Variants in MALT1 observed in about 807,000 individuals in gnomAD.
MALT1 encodes the protein mucosa-associated lymphoid tissue lymphoma translocation protein 1.
In MALT1, 36 loss-of-function variants were observed where a neutral mutation model predicts 85.5. The observed-to-expected ratio is 0.42, with a 90% confidence interval of 0.32 to 0.56. MALT1 has a LOEUF of 0.56. Among genes scored for constraint, MALT1 ranks in the 20% least tolerant of loss-of-function variants. The pLI is 0.10. For missense variants in MALT1, 716 were observed against 981.6 expected (o/e 0.73, Z 3.62); for synonymous variants, 359 against 361.3 (o/e 0.99, Z 0.07).
chr18:58,706,323 A>AT (rs1201065537), intron 4 of MALT1, among the ~76,000 whole-genome samples: 1 of 151,970 alleles, frequency 6.6e-6, no homozygotes, highest in African/African-American at 2.4e-5. Flanking sequence ...TGCCCGGGTA[A>AT]TTTTTGTATT....
chr18:58,724,026 T>C (rs2055020135), intron 10 of MALT1, among the ~76,000 whole-genome samples: 2 of 152,224 alleles, frequency 1.3e-5, no homozygotes, highest in Non-Finnish European at 2.9e-5. Flanking sequence ...TAACATCAGA[T>C]TGCCAGGGAA....
chr18:58,727,311 G>T (rs1301338734), intron 10 of MALT1, among the ~76,000 whole-genome samples: 2 of 151,690 alleles, frequency 1.3e-5, no homozygotes, highest in African/African-American at 4.8e-5. Context: ...TGTTTGTTTT[G>T]TTTTTTGATA....
intron 1 of MALT1, among the ~76,000 whole-genome samples, chr18:58,679,056 G>A (rs903319864): frequency 6.6e-6 from 1 of 152,100 alleles, no homozygotes; most frequent in African/African-American, 2.4e-5. Context: ...TTGATTGCTC[G>A]GTTTTTTCTT....
chr18:58,733,333 G>A, intron 10 of MALT1, 64 bp from the exon 11 acceptor site: 1 of 1,053,090 alleles, frequency 9.5e-7, no homozygotes, highest in South Asian at 1.6e-5. Context: ...AAGTTATGCA[G>A]TCTGTATGTT....
intron 1 of MALT1, among the ~76,000 whole-genome samples, chr18:58,676,758 A>T (rs1602269817): frequency 6.6e-6 from 1 of 152,254 alleles, no homozygotes; most frequent in Non-Finnish European, 1.5e-5. Flanking sequence ...TGAAAGATCC[A>T]GGAAGATACA....
intron 13 of MALT1, among the ~76,000 whole-genome samples, chr18:58,735,929 G>A (rs1428150748): frequency 6.6e-6 from 1 of 152,124 alleles, no homozygotes; most frequent in Admixed American, 6.6e-5. Flanking sequence ...TGCTGAACAA[G>A]TACCTATTAT....
chr18:58,679,629 C>T (rs1228705507), intron 1 of MALT1, among the ~76,000 whole-genome samples: 1 of 152,198 alleles, frequency 6.6e-6, no homozygotes, highest in Non-Finnish European at 1.5e-5. Flanking sequence ...TCTCAGCTCA[C>T]TGCAATCTCC....
intron 13 of MALT1, among the ~76,000 whole-genome samples, chr18:58,739,338 C>T (rs2055269511): frequency 6.6e-6 from 1 of 152,020 alleles, no homozygotes; most frequent in African/African-American, 2.4e-5. Flanking sequence ...TTAGTGGTAT[C>T]AGTGTTATCA....
chr18:58,742,106 T>C (rs1230097666), intron 14 of MALT1, 92 bp downstream of exon 14: 1 of 1,119,202 alleles, frequency 8.9e-7, no homozygotes, highest in Non-Finnish European at 1.2e-6. Flanking sequence ...CTCCCAGTTT[T>C]ACAGTGAAAA....
intron 1 of MALT1, among the ~76,000 whole-genome samples, chr18:58,675,599 T>C (rs1002223614): frequency 6.6e-5 from 10 of 152,242 alleles, no homozygotes; most frequent in Non-Finnish European, 1.3e-4. Context: ...TAATCATTCA[T>C]TTATGAATAA....
intron 9 of MALT1, among the ~76,000 whole-genome samples, chr18:58,716,357 G>A (rs535878987): frequency 6.6e-6 from 1 of 152,356 alleles, no homozygotes; most frequent in African/African-American, 2.4e-5. Flanking sequence ...AATGGAAAGA[G>A]AAAAGAATTT....
intron 7 of MALT1, among the ~76,000 whole-genome samples, chr18:58,712,850 G>A (rs895474365): frequency 6.6e-6 from 1 of 152,086 alleles, no homozygotes; most frequent in Non-Finnish European, 1.5e-5. Flanking sequence ...TGAGGGGTGC[G>A]GGTTGAATAG....
chr18:58,734,461 C>A, intron 12 of MALT1, 80 bp downstream of exon 12: 2 of 1,082,604 alleles, frequency 1.8e-6, no homozygotes, highest in South Asian at 1.3e-5. Flanking sequence ...GAGCAGGGGT[C>A]TTAACTCTGT....
intron 9 of MALT1, among the ~76,000 whole-genome samples, chr18:58,716,837 A>G (rs1379328264): frequency 6.6e-6 from 1 of 151,906 alleles, no homozygotes; most frequent in African/African-American, 2.4e-5. Flanking sequence ...TGTAGATTAG[A>G]GTGATCCATC....
chr18:58,747,406 A>G lies in MALT1; in HGVS notation c.2039A>G (p.Glu680Gly), dbSNP rs1369941741. The part of the protein sequence containing the change: ...TRLSSLQKLK[E>G]HLVFTVCLSY... The stretch of plus-strand genomic sequence containing the variant: ...AAACCAGATTTTTTTCCTTTTCAGG[A>G]ACATCTAGTCTTCACAGTATGTTTA... Residue 680 changes from glutamate (E) to glycine (G), a missense_variant and splice_region_variant, in exon 17 of 17, where the codon GAA becomes GGA. Glu to Gly is a moderately conservative substitution (Grantham distance 98). Transcript: ENST00000649217. The G allele has an allele frequency of 2.5e-6, 4 of 1,594,180 alleles. No homozygotes were observed. Among genetic ancestry groups the G allele is most frequent in the Middle Eastern group, 3.4e-4 (2 of 5,954 alleles).
intron 6 of MALT1, 37 bp downstream of exon 6, chr18:58,710,109 T>C (rs775319420): frequency 2.3e-6 from 3 of 1,323,620 alleles, no homozygotes; most frequent in Non-Finnish European, 3.3e-6. Context: ...ACAAGTGGAC[T>C]ATAATATAAG....
intron 4 of MALT1, among the ~76,000 whole-genome samples, chr18:58,707,960 C>T (rs2054777584): frequency 6.6e-6 from 1 of 152,200 alleles, no homozygotes; most frequent in Non-Finnish European, 1.5e-5. Flanking sequence ...TCTCTCTCCA[C>T]TTTACATCCA....
At chr18:58,680,892 C>T (rs979496936) in intron 1 of MALT1, among the ~76,000 whole-genome samples, 7 of 146,290 alleles carry the variant, frequency 4.8e-5, no homozygotes, top group Non-Finnish European at 6.0e-5. Flanking sequence ...CACTGCAGTC[C>T]GCAGTCCGGC....
At chr18:58,732,902 T>G (rs1004940533) in intron 10 of MALT1, among the ~76,000 whole-genome samples, 3 of 149,380 alleles carry the variant, frequency 2.0e-5, no homozygotes, top group Non-Finnish European at 4.4e-5. Flanking sequence ...AGACTGTTGG[T>G]AATTTATTTA....
Sources: allele counts gnomAD v4.1 joint callset (sites outside exome capture counted in the v4.1 genomes callset), GRCh38; gene constraint gnomAD v4.1.1; transcripts MANE v1.5; gene names NCBI Gene and HGNC (gene_info 2026-07-23, HGNC 2026-07-21).